The following DPP6 variants were observed in gnomAD, a reference collection of about 807,000 sequenced individuals.
DPP6 encodes the protein dipeptidyl peptidase like 6.
Under a neutral mutation model 122.6 loss-of-function variants are expected in DPP6, and 69 were observed. That is an observed-to-expected ratio of 0.56 (90% CI 0.46 to 0.69). The LOEUF is 0.69. Among genes scored for constraint, DPP6 ranks in the 30% least tolerant of loss-of-function variants. The pLI is 0.00. For missense variants in DPP6, 928 were observed against 1,116.9 expected, an observed-to-expected ratio of 0.83 and a Z score of 2.41; for synonymous variants, 418 against 433.1, an observed-to-expected ratio of 0.97 and a Z score of 0.43.
At chr7:154,427,329 A>G (rs1289162015) in intron 1 of DPP6, among the ~76,000 whole-genome samples, 1 of 152,238 alleles carries the variant, frequency 6.6e-6, no homozygotes, top group African/African-American at 2.4e-5. Context: ...GGACAAATTT[A>G]CGCTTTATCT....
intron 1 of DPP6, among the ~76,000 whole-genome samples, chr7:153,986,129 C>T (rs531317802): frequency 6.6e-6 from 1 of 152,330 alleles, no homozygotes; most frequent in South Asian, 2.1e-4. Flanking sequence ...GTCCGACCTA[C>T]ATCCCTTCTG....
chr7:154,406,325 A>G (rs763195323), intron 1 of DPP6, among the ~76,000 whole-genome samples: 4 of 152,214 alleles, frequency 2.6e-5, no homozygotes, highest in African/African-American at 9.7e-5. Flanking sequence ...TTGTGGACCA[A>G]TGTTTTCTTA....
chr7:154,689,589 GT>G (rs1394183809), intron 7 of DPP6, among the ~76,000 whole-genome samples: 1 of 151,782 alleles, frequency 6.6e-6, no homozygotes, highest in Admixed American at 6.6e-5. Context: ...GGATTTTTGC[GT>G]CTGTGTTCAT....
chr7:153,814,158 C>A, the DPP6 span, among the ~76,000 whole-genome samples: 1 of 151,954 alleles, frequency 6.6e-6, no homozygotes. Flanking sequence ...GGTTTTAGGT[C>A]TAATGTTTAA....
At chr7:154,327,302 G>C (rs1808529423) in intron 1 of DPP6, among the ~76,000 whole-genome samples, 1 of 152,186 alleles carries the variant, frequency 6.6e-6, no homozygotes, top group South Asian at 2.1e-4. Flanking sequence ...ATCCCAATTT[G>C]CTTAGGCCAG....
chr7:153,811,756 A>G, the DPP6 span, among the ~76,000 whole-genome samples: 1 of 152,184 alleles, frequency 6.6e-6, no homozygotes, highest in Non-Finnish European at 1.5e-5. Flanking sequence ...GAGCTAGATG[A>G]AGACCATTTT....
At chr7:154,498,390 G>A (rs770786303) in intron 3 of DPP6, among the ~76,000 whole-genome samples, 1 of 152,126 alleles carries the variant, frequency 6.6e-6, no homozygotes, top group Non-Finnish European at 1.5e-5. Context: ...CTAGGCTGGA[G>A]CGCAGTGGCA....
rs77168612 is a variant in DPP6 at position 154,777,104 on chromosome 7, G to A, written c.1136+4162G>A. ...TCTGCTCTTTCAAATCTTTGCATTG[G>A]CAAGCACTTACTCATCATCCATGTG... is the stretch of plus-strand genomic sequence containing the variant. On this transcript the variant is annotated intron_variant, in intron 10 of 25. Coordinates refer to ENST00000377770, the MANE Select transcript of DPP6 (RefSeq NM_130797.4). Among the ~76,000 whole-genome samples, 6 of 152,320 alleles carry A rather than the reference G, an allele frequency of 3.9e-5. No homozygotes were observed. The East Asian group carries it at 1.2e-3, about 29-fold the overall frequency.
At chr7:154,007,833 C>A (rs1300244076) in intron 1 of DPP6, among the ~76,000 whole-genome samples, 1 of 152,064 alleles carries the variant, frequency 6.6e-6, no homozygotes, top group African/African-American at 2.4e-5. Context: ...TCACACACCT[C>A]GGGATCCTTC....
intron 7 of DPP6, among the ~76,000 whole-genome samples, chr7:154,719,884 G>T (rs905654716): frequency 1.3e-5 from 2 of 152,192 alleles, no homozygotes; most frequent in Admixed American, 6.5e-5. Context: ...CAGCATCAAC[G>T]TGAAGGCCTC....
intron 1 of DPP6, among the ~76,000 whole-genome samples, chr7:154,302,893 T>C (rs560357919): frequency 4.6e-5 from 7 of 152,302 alleles, no homozygotes; most frequent in African/African-American, 1.7e-4. Context: ...GTCAAGCCCA[T>C]GGTCTCAGTG....
intron 5 of DPP6, among the ~76,000 whole-genome samples, chr7:154,637,484 G>A (rs577799335): frequency 3.9e-5 from 6 of 152,160 alleles, no homozygotes; most frequent in East Asian, 1.9e-4. Context: ...TCTAGCTGAC[G>A]GTGCCTGATG....
intron 16 of DPP6, among the ~76,000 whole-genome samples, chr7:154,852,100 G>A (rs114804548): frequency 8.5e-5 from 13 of 152,318 alleles, no homozygotes; most frequent in African/African-American, 3.1e-4. Context: ...CTGGACTAGG[G>A]TGTCCACTCT....
At chr7:154,443,025 A>G (rs368983962) in intron 1 of DPP6, among the ~76,000 whole-genome samples, 1 of 152,238 alleles carries the variant, frequency 6.6e-6, no homozygotes, top group South Asian at 2.1e-4. Flanking sequence ...CCTGGCCCTC[A>G]GGCTCTGCAC....
chr7:153,765,224 C>T, the DPP6 span, among the ~76,000 whole-genome samples: 3 of 152,018 alleles, frequency 2.0e-5, no homozygotes, highest in African/African-American at 7.2e-5. Flanking sequence ...ACTTGGCAAC[C>T]ATTTTTACAG....
At chr7:153,919,159 TTTG>T (rs1454580441) in intron 1 of DPP6, among the ~76,000 whole-genome samples, 1 of 151,960 alleles carries the variant, frequency 6.6e-6, no homozygotes, top group Non-Finnish European at 1.5e-5. Flanking sequence ...TCTTGAACTG[TTTG>T]TAATTGGTGA....
chr7:153,902,719 C>A (rs1799689358), intron 1 of DPP6, among the ~76,000 whole-genome samples: 1 of 151,834 alleles, frequency 6.6e-6, no homozygotes, highest in Non-Finnish European at 1.5e-5. Flanking sequence ...GCCTGTAATC[C>A]CAGCTGTTTG....
At chr7:154,175,032 G>A (rs111648449) in intron 1 of DPP6, among the ~76,000 whole-genome samples, 1,771 of 151,182 alleles carry the variant, frequency 0.012, 95 homozygotes, top group Admixed American at 0.091. Flanking sequence ...TGCAACACGC[G>A]CCCCCCACCC....
chr7:154,405,313 A>G (rs1267061338), intron 1 of DPP6, among the ~76,000 whole-genome samples: 1 of 152,208 alleles, frequency 6.6e-6, no homozygotes, highest in African/African-American at 2.4e-5. Flanking sequence ...GTTTTTGGAT[A>G]AAAGTTTCCC....
Sources: gnomAD v4.1 joint callset for allele counts (sites outside exome capture counted in the v4.1 genomes callset) on GRCh38, gnomAD v4.1.1 for gene constraint, MANE v1.5 for transcripts, NCBI Gene and HGNC (gene_info 2026-07-23, HGNC 2026-07-21) for gene names.